CHST11: variants seen among roughly 807,000 people sequenced by gnomAD.
The protein encoded by CHST11 is C4S-1.
Under a neutral mutation model 30.4 loss-of-function variants are expected in CHST11, and 9 were observed. The observed-to-expected ratio is 0.30, with a 90% CI of 0.18 to 0.52. The LOEUF (loss-of-function observed/expected upper bound fraction) is 0.52. CHST11 is among the 20% of genes least tolerant of loss of function. CHST11 has a pLI of 0.97. For missense variants in CHST11, 348 were observed against 460.6 expected (o/e 0.76, Z 2.24); for synonymous variants, 152 against 187.8 (o/e 0.81, Z 1.56).
intron 2 of CHST11, among the ~76,000 whole-genome samples, chr12:104,680,144 G>T (rs149654048): frequency 1.3e-3 from 204 of 152,344 alleles, no homozygotes; most frequent in Middle Eastern, 3.4e-3. Context: ...TGTAATCCTT[G>T]TTCTCAAGGG....
At chr12:104,560,565 T>G (rs1014308294) in intron 1 of CHST11, among the ~76,000 whole-genome samples, 15 of 152,254 alleles carry the variant, frequency 9.9e-5, no homozygotes, top group Admixed American at 9.8e-4. Flanking sequence ...CATTAGTACT[T>G]TATGGTACTT....
At chr12:104,678,770 A>C (rs2039766141) in intron 2 of CHST11, among the ~76,000 whole-genome samples, 1 of 152,112 alleles carries the variant, frequency 6.6e-6, no homozygotes, top group South Asian at 2.1e-4. Flanking sequence ...ATTTTCAGAG[A>C]GTGACAATGA....
At chr12:104,741,907 C>T (rs1484077302) in intron 2 of CHST11, among the ~76,000 whole-genome samples, 1 of 152,172 alleles carries the variant, frequency 6.6e-6, no homozygotes, top group Non-Finnish European at 1.5e-5. Context: ...TGTCTGGGAA[C>T]CCGCATTGCA....
At chr12:104,703,038 A>G (rs1158897126) in intron 2 of CHST11, among the ~76,000 whole-genome samples, 2 of 152,196 alleles carry the variant, frequency 1.3e-5, no homozygotes, top group South Asian at 2.1e-4. Flanking sequence ...ATCACACGCA[A>G]TGCTGGCTTC....
In CHST11 at chr12:104,758,000, C is replaced by CTT. The variant is rs1163168968; in HGVS notation, c.*198_*199dup. The CTT allele has an allele frequency of 4.9e-6, 3 of 614,116 alleles. No individual in the cohort carries two copies. 38.0% of individuals were successfully genotyped at this position (614,116 alleles called of 1,614,324 possible). On this transcript the variant is annotated 3_prime_UTR_variant, in exon 3 of 3. Coordinates refer to ENST00000303694, the MANE Select transcript of CHST11 (RefSeq NM_018413.6). The surrounding 1 kb of genome is among the most constrained non-coding windows in gnomAD (Gnocchi z 6.5). ...TGCAGGGGAAATAGGATGGGTCGTC[C>CTT]TTGTCTGTAGAAGTGAATACTGCAA...
chr12:104,484,829 G>T (rs1203182500), intron 1 of CHST11, among the ~76,000 whole-genome samples: 1 of 152,228 alleles, frequency 6.6e-6, no homozygotes, highest in Non-Finnish European at 1.5e-5. Flanking sequence ...GGTCACAGAA[G>T]GCTCTCTCCT....
intron 2 of CHST11, among the ~76,000 whole-genome samples, chr12:104,666,375 A>G (rs1592826772): frequency 6.6e-6 from 1 of 152,340 alleles, no homozygotes; most frequent in Middle Eastern, 3.4e-3. Flanking sequence ...TCCAAAATGC[A>G]ATACAGAAGA....
At chr12:104,635,384 G>T (rs963527378) in intron 2 of CHST11, among the ~76,000 whole-genome samples, 3 of 152,210 alleles carry the variant, frequency 2.0e-5, no homozygotes, top group African/African-American at 7.2e-5. Flanking sequence ...GGTGGCACAC[G>T]CCCGGGGCTT....
intron 2 of CHST11, among the ~76,000 whole-genome samples, chr12:104,661,407 A>AC (rs2039597511): frequency 6.6e-6 from 1 of 151,908 alleles, no homozygotes; most frequent in African/African-American, 2.4e-5. Context: ...ACTACTACTA[A>AC]TAATAATAAT....
rs554666738 is a variant in CHST11 at position 104,682,530 on chromosome 12, G to A, written c.205-74419G>A. ...GGCCATCGGACACAAGTGGATCATT[G>A]ATATCAGTTGACTCCTGGTTACCCC... On this transcript the variant is annotated intron_variant, in intron 2 of 2. Coordinates refer to ENST00000303694, the MANE Select transcript of CHST11 (RefSeq NM_018413.6). Among the ~76,000 whole-genome samples, 5 of 152,346 alleles carry A rather than the reference G, an allele frequency of 3.3e-5. No homozygotes were observed. In the East Asian group the frequency reaches 9.6e-4, roughly 29 times the overall value.
intron 1 of CHST11, among the ~76,000 whole-genome samples, chr12:104,575,192 C>CAA (rs560384722): frequency 1.5e-5 from 2 of 132,144 alleles, no homozygotes; most frequent in Non-Finnish European, 3.3e-5. Context: ...GATCCTGTCT[C>CAA]AAAAAAAAAA....
At chr12:104,721,666 G>A (rs1015852079) in intron 2 of CHST11, among the ~76,000 whole-genome samples, 3 of 152,004 alleles carry the variant, frequency 2.0e-5, no homozygotes, top group African/African-American at 4.8e-5. Context: ...AAGGAGTTAC[G>A]TGAACAAACG....
intron 1 of CHST11, among the ~76,000 whole-genome samples, chr12:104,581,278 G>A (rs1368814428): frequency 6.6e-6 from 1 of 152,210 alleles, no homozygotes; most frequent in East Asian, 1.9e-4. Flanking sequence ...AGCTTGGCCA[G>A]GTGGCAGATA....
At chr12:104,526,113 T>G (rs75830153) in intron 1 of CHST11, among the ~76,000 whole-genome samples, 15,151 of 152,102 alleles carry the variant, frequency 0.1, 1,589 homozygotes, top group African/African-American at 0.26. Context: ...GGTAGTTGTA[T>G]CTGACTTTTT....
chr12:104,476,646 G>C (rs10861224), intron 1 of CHST11, among the ~76,000 whole-genome samples: 18,660 of 151,956 alleles, frequency 0.12, 1,244 homozygotes, highest in South Asian at 0.19. Flanking sequence ...GGGCAATTCA[G>C]AGGTTATAAA....
At chr12:104,575,104 A>T (rs2038670306) in intron 1 of CHST11, among the ~76,000 whole-genome samples, 1 of 151,918 alleles carries the variant, frequency 6.6e-6, no homozygotes, top group Non-Finnish European at 1.5e-5. Context: ...GAGGCACAAG[A>T]ATTACTTGAA....
At chr12:104,736,441 G>T (rs2040301913) in intron 2 of CHST11, among the ~76,000 whole-genome samples, 1 of 152,226 alleles carries the variant, frequency 6.6e-6, no homozygotes, top group Non-Finnish European at 1.5e-5. Flanking sequence ...GGCCGAGCTG[G>T]AGATTTACCC....
intron 2 of CHST11, among the ~76,000 whole-genome samples, chr12:104,629,495 C>T (rs1247886938): frequency 6.6e-6 from 1 of 152,172 alleles, no homozygotes; most frequent in African/African-American, 2.4e-5. Flanking sequence ...GGGCTTATTT[C>T]TTCATAATTC....
rs1333537841 is a variant in CHST11, at chr12:104,540,401, A to G, written c.119-61505A>G. 2.6e-5 allele frequency among the ~76,000 whole-genome samples: 4 copies of G among 152,368 alleles called. No individual in the cohort carries two copies. In the East Asian group the frequency reaches 5.8e-4, roughly 22 times the overall value. On this transcript the variant is annotated intron_variant, in intron 1 of 2. Coordinates refer to ENST00000303694, the MANE Select transcript of CHST11 (RefSeq NM_018413.6). ...CATTATTTTTAGCTAAGAACCATCA[A>G]TTCTAGACTTGTTAATCTTATCTTC...
Sources: gnomAD v4.1 joint callset for allele counts (sites outside exome capture counted in the v4.1 genomes callset) on GRCh38, gnomAD v4.1.1 for gene constraint, Gnocchi (gnomAD v3.1) non-coding constraint, MANE v1.5 for transcripts, NCBI Gene and HGNC (gene_info 2026-07-23, HGNC 2026-07-21) for gene names.